Variants in PHTF1 observed in about 807,000 individuals in gnomAD.
PHTF1 encodes putative homeodomain transcription factor 1, also known as protein PHTF1.
In PHTF1, 88 loss-of-function variants were observed where a neutral mutation model predicts 102.4. The observed-to-expected ratio is 0.86, with a 90% confidence interval of 0.72 to 1.03. The LOEUF (loss-of-function observed/expected upper bound fraction) is 1.03. Among genes scored for constraint, PHTF1 ranks in the 50% least tolerant of loss-of-function variants. The pLI is 0.00. For missense variants in PHTF1, 814 were observed against 909.5 expected (o/e 0.89, Z 1.35); for synonymous variants, 289 against 305.2 (o/e 0.95, Z 0.55).
chr1:113,730,479 T>C (rs1164341792), intron 5 of PHTF1, among the ~76,000 whole-genome samples: 1 of 152,172 alleles, frequency 6.6e-6, no homozygotes, highest in African/African-American at 2.4e-5. Context: ...TGTTGACTGA[T>C]TGGGTGAAAG....
chr1:113,710,623 G>C (rs139496469), intron 10 of PHTF1, 148 bp from the exon 11 acceptor site: 20 of 634,492 alleles, frequency 3.2e-5, no homozygotes, highest in Non-Finnish European at 5.2e-5. Context: ...AGGGCTTCAC[G>C]TAACAATAAT....
At chr1:113,721,146 TC>T (rs1652872246) in intron 7 of PHTF1, among the ~76,000 whole-genome samples, 1 of 151,986 alleles carries the variant, frequency 6.6e-6, no homozygotes, top group African/African-American at 2.4e-5. Context: ...AATAAAAAGA[TC>T]ATTCATCACG....
At chr1:113,736,606 C>T (rs1317504739) in intron 5 of PHTF1, among the ~76,000 whole-genome samples, 4 of 151,662 alleles carry the variant, frequency 2.6e-5, no homozygotes, top group African/African-American at 7.3e-5. Context: ...ATTAGCTGGA[C>T]GTGGTGGCGC....
At chr1:113,736,413 A>G (rs1381323444) in intron 5 of PHTF1, among the ~76,000 whole-genome samples, 2 of 151,740 alleles carry the variant, frequency 1.3e-5, no homozygotes, top group African/African-American at 2.4e-5. Context: ...CTGAGATTTA[A>G]AGGTGAGAAA....
chr1:113,713,703 T>C (rs1651527280), intron 7 of PHTF1: 1 of 348,532 alleles, frequency 2.9e-6, no homozygotes, highest in Non-Finnish European at 5.2e-6. Context: ...AAAAGTAGGT[T>C]CACAGTCCTC....
rs986850949 is a variant in PHTF1 at position 113,759,457 on chromosome 1, C to T, written c.-465G>A. On this transcript the variant is annotated 5_prime_UTR_variant, in exon 1 of 19. Transcript: ENST00000369604. ...GGCAGCGGCGCTCGTCTTCTGCGGG[C>T]CGCGCCGGGATGCAGTGACTCAGCC... 2 of 152,496 alleles carry T rather than the reference C, an allele frequency of 1.3e-5. No homozygotes were observed. Among genetic ancestry groups the T allele is most frequent in the Non-Finnish European group, 2.9e-5 (2 of 68,254 alleles). The allele number at this position is 152,496 out of a possible 1,614,324, so 9.4% of individuals were successfully genotyped here.
rs1649230591 is a variant in PHTF1 at position 113,699,688 on chromosome 1, A to G, written c.2142+16T>C. On this transcript the variant is annotated intron_variant, in intron 17 of 18. Coordinates refer to ENST00000369604, the MANE Select transcript of PHTF1 (RefSeq NM_001323043.2). ...ACTCAAATGATAGTAAAAGTGTATC[A>G]TAGCCTATGACTTACTTTCAACAAC... The G allele has an allele frequency of 1.0e-6, 1 of 1,001,672 alleles. No individual in the cohort carries two copies. The highest frequency in any genetic ancestry group is 1.6e-5 in the African/African-American group (1 of 62,818). 62.0% of individuals were successfully genotyped at this position (1,001,672 alleles called of 1,614,324 possible).
chr1:113,706,556 A>G (rs1650216177), intron 12 of PHTF1, 38 bp downstream of exon 12: 1 of 1,541,494 alleles, frequency 6.5e-7, no homozygotes, highest in Non-Finnish European at 8.7e-7. Context: ...ATCACTTCGT[A>G]TATTTTTTGA....
chr1:113,724,820 T>C lies in PHTF1; in HGVS notation c.562A>G (p.Ile188Val). The change falls in exon 7 of 19, where the codon ATA becomes GTA. Residue 188 changes from isoleucine (I) to valine (V), a missense_variant. Physicochemically the swap from Ile to Val is conservative, Grantham distance 29. Coordinates refer to ENST00000369604, the MANE Select transcript of PHTF1 (RefSeq NM_001323043.2). ...ATGGGTACAGATTCCAAAGTTTCTA[T>C]TCCTCTGACTTTATCAGAGGAGTTA... is the stretch of plus-strand genomic sequence containing the variant. ...GNNSSDKVRG[I>V]ETLESVPIIG... 1 of 1,609,552 alleles carries C rather than the reference T, an allele frequency of 6.2e-7. No homozygotes were observed.
At chr1:113,736,011 T>C (rs1655430753) in intron 5 of PHTF1, among the ~76,000 whole-genome samples, 1 of 152,110 alleles carries the variant, frequency 6.6e-6, no homozygotes, top group South Asian at 2.1e-4. Flanking sequence ...AAATTGATTC[T>C]TATGATAGTG....
At chr1:113,698,616 T>TACAC (rs751234625) in intron 17 of PHTF1, among the ~76,000 whole-genome samples, 183 of 114,108 alleles carry the variant, frequency 1.6e-3, no homozygotes, top group African/African-American at 6.4e-3. Context: ...TTTATATATA[T>TACAC]ATATACACAC....
chr1:113,757,879 AAAAGTTAG>A, intron 2 of PHTF1, 124 bp from the exon 3 acceptor site: 1 of 658,028 alleles, frequency 1.5e-6, no homozygotes, highest in Non-Finnish European at 2.8e-6. Flanking sequence ...TATGCTTCTC[AAAAGTTAG>A]AATAAATCAA....
chr1:113,743,989 A>C (rs1000893358), intron 3 of PHTF1, among the ~76,000 whole-genome samples: 2 of 152,208 alleles, frequency 1.3e-5, no homozygotes, highest in Non-Finnish European at 2.9e-5. Flanking sequence ...ATGCATCCCT[A>C]ATCAAAGTAG....
At chr1:113,722,402 G>A (rs933560165) in intron 7 of PHTF1, among the ~76,000 whole-genome samples, 6 of 151,950 alleles carry the variant, frequency 3.9e-5, no homozygotes, top group Admixed American at 3.9e-4. Flanking sequence ...TCATGCCACT[G>A]CACTCTAGCT....
intron 3 of PHTF1, chr1:113,746,795 C>A (rs1210562011): frequency 1.5e-6 from 1 of 664,692 alleles, no homozygotes; most frequent in Non-Finnish European, 1.9e-6. Flanking sequence ...TTTATTTGTA[C>A]TAAAATAATA....
At chr1:113,710,214 C>A (rs769731139) in intron 11 of PHTF1, 40 bp downstream of exon 11, 3 of 1,420,256 alleles carry the variant, frequency 2.1e-6, no homozygotes, top group Non-Finnish European at 2.0e-6. Context: ...ACAGTAAGAA[C>A]ACAATAAATA....
At chr1:113,749,983 T>G (rs942417252) in intron 3 of PHTF1, among the ~76,000 whole-genome samples, 2 of 152,054 alleles carry the variant, frequency 1.3e-5, no homozygotes, top group South Asian at 2.1e-4. Context: ...TACCATTTTT[T>G]GGGTTTTGTT....
At chr1:113,716,716 T>A (rs1000229929) in intron 7 of PHTF1, among the ~76,000 whole-genome samples, 16 of 151,940 alleles carry the variant, frequency 1.1e-4, no homozygotes, top group African/African-American at 3.6e-4. Flanking sequence ...CCAACAAAAA[T>A]AAACTTCAAA....
At chr1:113,701,856 A>AAAAAAAAAAAAAT (rs1649487468) in intron 15 of PHTF1, among the ~76,000 whole-genome samples, 1 of 141,506 alleles carries the variant, frequency 7.1e-6, no homozygotes, top group South Asian at 2.3e-4. Flanking sequence ...AAAAAAAAAA[A>AAAAAAAAAAAAAT]AAATCATTCA....
Sources: gnomAD v4.1 joint callset for allele counts (sites outside exome capture counted in the v4.1 genomes callset) on GRCh38, gnomAD v4.1.1 for gene constraint, MANE v1.5 for transcripts, NCBI Gene and HGNC (gene_info 2026-07-23, HGNC 2026-07-21) for gene names.